The following ZDHHC9 variants were observed in gnomAD, a reference collection of about 807,000 sequenced individuals.
ZDHHC9 encodes palmitoyltransferase ZDHHC9.
A neutral mutation model predicts 26.6 loss-of-function variants in ZDHHC9; 3 were observed. That is an observed-to-expected ratio of 0.11 (90% CI 0.05 to 0.29). ZDHHC9 has a LOEUF of 0.29. ZDHHC9 is among the 10% of genes least tolerant of loss of function. ZDHHC9 has a pLI of 1.00. For synonymous variants in ZDHHC9, 111 were observed against 109.4 expected, an observed-to-expected ratio of 1.01 and a Z score of -0.09; for missense variants, 146 against 296.4, an observed-to-expected ratio of 0.49 and a Z score of 3.73.
intron 5 of ZDHHC9, among the ~76,000 whole-genome samples, chrX:129,820,875 C>A (rs1485268051): frequency 5.4e-5 from 6 of 111,095 alleles, no homozygotes; most frequent in Non-Finnish European, 1.1e-4. Flanking sequence ...AAAGCCATCA[C>A]CTAGGTATTA....
intron 2 of ZDHHC9, 98 bp from the exon 3 acceptor site, chrX:129,842,178 A>C: frequency 2.3e-6 from 1 of 432,881 alleles, no homozygotes; most frequent in Non-Finnish European, 4.0e-6. Flanking sequence ...AACTGACTGA[A>C]GGGGTGGGGA....
chrX:129,841,786 C>A lies in ZDHHC9; in HGVS notation c.160G>T (p.Ala54Ser). Reference protein sequence around the residue: ...LILGTCTLFFAFECRYLAVQL... With the variant: ...LILGTCTLFFSFECRYLAVQL... ...TACTCAACCGAAACTCACTCAAAGGCGAAGAAGAGTGTACATGTCCCCAGG... is the reference window on the plus strand; with the variant it reads ...TACTCAACCGAAACTCACTCAAAGGAGAAGAAGAGTGTACATGTCCCCAGG... The change falls in exon 3 of 11, where the codon GCC (alanine) becomes TCC (serine). Residue 54 changes from alanine to serine, a missense_variant. This residue lies in a region of ZDHHC9 where 100 missense variants were observed against 250.0 expected (regional missense o/e 0.40). Coordinates refer to ENST00000357166, the MANE Select transcript of ZDHHC9 (RefSeq NM_016032.4). 8.3e-7 allele frequency: 1 copy of A among 1,211,443 alleles called. No individual in the cohort carries two copies. Among genetic ancestry groups the A allele is most frequent in the Non-Finnish European group, 1.1e-6 (1 of 895,480 alleles).
At chrX:129,817,539 A>G (rs1927784170) in intron 5 of ZDHHC9, among the ~76,000 whole-genome samples, 1 of 111,826 alleles carries the variant, frequency 8.9e-6, no homozygotes, top group Admixed American at 9.5e-5. Flanking sequence ...GGCATTAATT[A>G]CATTCATAAT....
intron 8 of ZDHHC9, among the ~76,000 whole-genome samples, chrX:129,811,964 T>C (rs897592848): frequency 2.7e-5 from 3 of 111,901 alleles, no homozygotes; most frequent in African/African-American, 9.7e-5. Context: ...AAGTCTAGAA[T>C]ATATAAATCA....
At chrX:129,820,545 C>T (rs1361039685) in intron 5 of ZDHHC9, among the ~76,000 whole-genome samples, 3 of 111,223 alleles carry the variant, frequency 2.7e-5, no homozygotes, top group Non-Finnish European at 3.8e-5. Context: ...GAGCTGTGAT[C>T]GTGCCACTGC....
intron 4 of ZDHHC9, among the ~76,000 whole-genome samples, chrX:129,825,660 TCAC>T (rs907689500): frequency 1.6e-4 from 18 of 111,502 alleles, no homozygotes; most frequent in African/African-American, 5.5e-4. Flanking sequence ...TCTCCTTCGA[TCAC>T]CACCTCAATC....
chrX:129,835,341 G>A, intron 3 of ZDHHC9, among the ~76,000 whole-genome samples: 1 of 108,589 alleles, frequency 9.2e-6, no homozygotes, highest in Non-Finnish European at 1.9e-5. Context: ...CAGATACTTG[G>A]GAGGCTGAGG....
At chrX:129,812,299 G>A (rs1020899356) in intron 8 of ZDHHC9, among the ~76,000 whole-genome samples, 1 of 111,992 alleles carries the variant, frequency 8.9e-6, no homozygotes, top group Non-Finnish European at 1.9e-5. Context: ...TGGCCAGGCT[G>A]GTCTTGAACT....
chrX:129,820,451 C>A (rs1207077351), intron 5 of ZDHHC9, among the ~76,000 whole-genome samples: 2 of 108,133 alleles, frequency 1.8e-5, no homozygotes, highest in Admixed American at 2.0e-4. Context: ...AATAGCCAGG[C>A]ATGGTAGTGC....
intron 5 of ZDHHC9, among the ~76,000 whole-genome samples, chrX:129,821,538 G>T (rs868118212): frequency 9.3e-6 from 1 of 108,035 alleles, no homozygotes; most frequent in South Asian, 4.1e-4. Context: ...TGATCCTCCC[G>T]CTTTGGCCTC....
intron 5 of ZDHHC9, among the ~76,000 whole-genome samples, chrX:129,817,609 G>A (rs1408876773): frequency 1.8e-5 from 2 of 110,999 alleles, no homozygotes; most frequent in African/African-American, 3.3e-5. Flanking sequence ...CAGAAACTCT[G>A]CACCCATTAA....
Position 129,806,357 on chromosome X carries a change from T to C in ZDHHC9, c.*13A>G. ...CTAATTAAACACAAACAAAAGTCTC[T>C]TCCATAGATAGGCTACTTCTCAGCT... is the stretch of plus-strand genomic sequence containing the variant. On this transcript the variant is annotated 3_prime_UTR_variant, in exon 11 of 11. Coordinates refer to ENST00000357166, the MANE Select transcript of ZDHHC9 (RefSeq NM_016032.4). 1 of 1,194,017 alleles carries C rather than the reference T, an allele frequency of 8.4e-7. No homozygotes were observed. Among genetic ancestry groups the C allele is most frequent in the Non-Finnish European group, 1.1e-6 (1 of 879,286 alleles).
At chrX:129,841,137 G>A (rs973791804) in intron 3 of ZDHHC9, among the ~76,000 whole-genome samples, 1 of 111,585 alleles carries the variant, frequency 9.0e-6, no homozygotes. Flanking sequence ...ACAGTGGCTC[G>A]AGTACGAGGT....
chrX:129,814,919 G>T, intron 5 of ZDHHC9, 124 bp from the exon 6 acceptor site: 1 of 706,722 alleles, frequency 1.4e-6, no homozygotes, highest in Non-Finnish European at 2.0e-6. Context: ...AAAAAATATA[G>T]GGTTTTTTTT....
rs908578507 is a variant in ZDHHC9 at position 129,803,330 on chromosome X, G to C, written c.*3040C>G. 1.8e-5 allele frequency: 2 copies of C among 111,632 alleles called. No individual in the cohort carries two copies. Among genetic ancestry groups the C allele is most frequent in the Admixed American group, 1.9e-4 (2 of 10,553 alleles). The allele number at this position is 111,632 out of a possible 1,213,427, so 9.2% of individuals were successfully genotyped here. ...CCCTGTATTTCTAAAACCATTCAAG[G>C]CTCCTTCATTAATTGGCTTCCCCCC... On this transcript the variant is annotated 3_prime_UTR_variant, in exon 11 of 11. Coordinates refer to ENST00000357166, the MANE Select transcript of ZDHHC9 (RefSeq NM_016032.4).
intron 6 of ZDHHC9, 139 bp downstream of exon 6, chrX:129,814,519 T>C: frequency 1.1e-6 from 1 of 886,607 alleles, no homozygotes; most frequent in Non-Finnish European, 1.6e-6. Context: ...CAAGAGCAGA[T>C]AACTGTGCTC....
At chrX:129,807,454 GAAAAA>G (rs779819713) in intron 10 of ZDHHC9, among the ~76,000 whole-genome samples, 11 of 27,397 alleles carry the variant, frequency 4.0e-4, no homozygotes, top group African/African-American at 1.1e-3. Flanking sequence ...CTCCGTCTCA[GAAAAA>G]AAAAAAAAAA....
chrX:129,824,019 T>C lies in ZDHHC9; in HGVS notation c.329-182A>G, dbSNP rs531692093. 9.8e-5 allele frequency among the ~76,000 whole-genome samples: 11 copies of C among 111,889 alleles called. No individual in the cohort carries two copies. In the South Asian group the frequency reaches 4.0e-3, roughly 41 times the overall value. ...ACTCCACTAAGTGCATGCAGTTCTGTTGTATACATAAGAAAAAGTGTTTCT... is the reference window on the plus strand; with the variant it reads ...ACTCCACTAAGTGCATGCAGTTCTGCTGTATACATAAGAAAAAGTGTTTCT... On this transcript the variant is annotated intron_variant, in intron 4 of 10. Coordinates refer to ENST00000357166, the MANE Select transcript of ZDHHC9 (RefSeq NM_016032.4).
At chrX:129,809,913 C>T (rs757543906) in intron 10 of ZDHHC9, among the ~76,000 whole-genome samples, 6 of 98,190 alleles carry the variant, frequency 6.1e-5, no homozygotes, top group Non-Finnish European at 1.0e-4. Flanking sequence ...CAGGAGAACC[C>T]GGGAGGCGGA....
Sources: allele counts gnomAD v4.1 joint callset (sites outside exome capture counted in the v4.1 genomes callset), GRCh38; gene constraint gnomAD v4.1.1; regional missense constraint gnomAD v4.1.1; transcripts MANE v1.5; gene names NCBI Gene and HGNC (gene_info 2026-07-23, HGNC 2026-07-21).